FYN: variants seen among roughly 807,000 people sequenced by gnomAD.
FYN encodes the protein FYN proto-oncogene, Src family tyrosine kinase, also known as tyrosine-protein kinase Fyn.
A neutral mutation model predicts 70.2 loss-of-function variants in FYN; 10 were observed. The observed-to-expected ratio is 0.14, with a 90% CI of 0.09 to 0.24. The LOEUF is 0.24. Among genes scored for constraint, FYN ranks in the 10% least tolerant of loss-of-function variants. The pLI is 1.00. For synonymous variants in FYN, 236 were observed against 248.6 expected (o/e 0.95, Z 0.48); for missense variants, 319 against 673.1 (o/e 0.47, Z 5.82).
intron 2 of FYN, among the ~76,000 whole-genome samples, chr6:111,827,170 A>G (rs1772862353): frequency 6.6e-6 from 1 of 152,202 alleles, no homozygotes; most frequent in African/African-American, 2.4e-5. Context: ...AGAAAAGTAA[A>G]GTCTCATAAT....
At chr6:111,707,848 A>G in intron 6 of FYN, 74 bp downstream of exon 6, 1 of 1,176,064 alleles carries the variant, frequency 8.5e-7, no homozygotes, top group East Asian at 2.3e-5. Flanking sequence ...CCTCCTGCCC[A>G]ATGCTGATGG....
intron 3 of FYN, among the ~76,000 whole-genome samples, chr6:111,777,940 C>G (rs1359493229): frequency 6.6e-6 from 1 of 152,184 alleles, no homozygotes; most frequent in East Asian, 1.9e-4. Flanking sequence ...GCCACCCTCC[C>G]TACTTTTAGG....
At chr6:111,851,094 G>A (rs1004688238) in intron 1 of FYN, among the ~76,000 whole-genome samples, 8 of 152,152 alleles carry the variant, frequency 5.3e-5, no homozygotes, top group African/African-American at 1.9e-4. Flanking sequence ...AAAATGAGGG[G>A]CACGTGATGA....
chr6:111,843,650 C>T (rs991940175), intron 2 of FYN, among the ~76,000 whole-genome samples: 4 of 152,114 alleles, frequency 2.6e-5, no homozygotes, highest in East Asian at 1.9e-4. Flanking sequence ...ATGGTCTTAT[C>T]GCCACATAAT....
chr6:111,764,733 T>C (rs2128496055), intron 3 of FYN, among the ~76,000 whole-genome samples: 1 of 152,244 alleles, frequency 6.6e-6, no homozygotes, highest in South Asian at 2.1e-4. Flanking sequence ...GGGGTTCCTT[T>C]AGTGCTTTCA....
At chr6:111,662,711 C>T (rs1386335441) in intron 13 of FYN, among the ~76,000 whole-genome samples, 4 of 152,206 alleles carry the variant, frequency 2.6e-5, no homozygotes, top group South Asian at 2.1e-4. Context: ...TTCATAAATT[C>T]GTTTTCTTCA....
At chr6:111,728,086 C>T (rs1040148585) in intron 3 of FYN, among the ~76,000 whole-genome samples, 1 of 152,196 alleles carries the variant, frequency 6.6e-6, no homozygotes, top group African/African-American at 2.4e-5. Context: ...GGCTTTAACA[C>T]CAAACCATGG....
intron 3 of FYN, among the ~76,000 whole-genome samples, chr6:111,763,716 A>G (rs1225466899): frequency 6.6e-6 from 1 of 152,118 alleles, no homozygotes; most frequent in Non-Finnish European, 1.5e-5. Context: ...TTAACTATAC[A>G]TTTTTTCATG....
At chr6:111,688,384 AT>A (rs1165096472) in intron 12 of FYN, among the ~76,000 whole-genome samples, 4 of 152,232 alleles carry the variant, frequency 2.6e-5, no homozygotes, top group African/African-American at 4.8e-5. Flanking sequence ...ACAGCATTTG[AT>A]TCCCAGAGAG....
In FYN at chr6:111,837,406, G is replaced by A. The variant is rs117508922; in HGVS notation, c.-82+9183C>T. Among the ~76,000 whole-genome samples the A allele has an allele frequency of 1.7e-4, 26 of 151,620 alleles. No individual in the cohort carries two copies. The East Asian group carries it at 4.1e-3, about 24-fold the overall frequency. On this transcript the variant is annotated intron_variant, in intron 2 of 13. Transcript: ENST00000354650. ...CTAAAGATGGACAAAATCCTCCCCCGACACAAAGGTTTTGTCTTCAATTAC... is the reference window on the plus strand; with the variant it reads ...CTAAAGATGGACAAAATCCTCCCCCAACACAAAGGTTTTGTCTTCAATTAC...
intron 1 of FYN, among the ~76,000 whole-genome samples, chr6:111,853,907 G>A (rs1042298478): frequency 6.6e-6 from 1 of 152,146 alleles, no homozygotes; most frequent in African/African-American, 2.4e-5. Flanking sequence ...CAGCCATTGT[G>A]GGAAGTGGGG....
At chr6:111,814,533 T>A (rs914124883) in intron 2 of FYN, among the ~76,000 whole-genome samples, 26 of 152,132 alleles carry the variant, frequency 1.7e-4, no homozygotes, top group Admixed American at 1.0e-3. Flanking sequence ...TAATGAAGAA[T>A]CTGAAATGGA....
At chr6:111,814,300 T>C (rs1226593622) in intron 2 of FYN, among the ~76,000 whole-genome samples, 1 of 152,098 alleles carries the variant, frequency 6.6e-6, no homozygotes, top group African/African-American at 2.4e-5. Flanking sequence ...GTTATAATTC[T>C]AAAGACAAAA....
chr6:111,828,714 G>A (rs9372315), intron 2 of FYN, among the ~76,000 whole-genome samples: 6,997 of 152,256 alleles, frequency 0.046, 185 homozygotes, highest in East Asian at 0.14. Flanking sequence ...AATTTATACA[G>A]ACAAAAAGTA....
intron 12 of FYN, chr6:111,676,450 T>TGACTTAACTGGCTTAACTGA (rs1798534720): frequency 6.6e-6 from 1 of 152,246 alleles, no homozygotes; most frequent in South Asian, 2.1e-4. Context: ...GACCTGGTAT[T>TGACTTAACTGGCTTAACTGA]CTCTGAATAG....
intron 1 of FYN, among the ~76,000 whole-genome samples, chr6:111,862,771 G>A (rs1233929968): frequency 6.6e-6 from 1 of 152,188 alleles, no homozygotes; most frequent in Non-Finnish European, 1.5e-5. Flanking sequence ...CTTATTAGGA[G>A]GCAATTGAGA....
intron 12 of FYN, among the ~76,000 whole-genome samples, chr6:111,689,432 C>T (rs1799204216): frequency 6.6e-6 from 1 of 152,134 alleles, no homozygotes; most frequent in African/African-American, 2.4e-5. Context: ...CTAGGTTTGC[C>T]CTGTAATTAC....
Position 111,842,522 on chromosome 6 carries a change from TC to T in FYN, c.-82+4066del, listed in dbSNP as rs369130668. Among the ~76,000 whole-genome samples, 38 of 151,948 alleles carry T rather than the reference TC, an allele frequency of 2.5e-4. No homozygotes were observed. In the East Asian group the frequency reaches 6.2e-3, roughly 25 times the overall value. The stretch of plus-strand genomic sequence containing the variant: ...TGCGCGGTACACCCCAAAGCCAATG[TC>T]CCCCTATTCACACTGGAGACACATC... On this transcript the variant is annotated intron_variant, in intron 2 of 13. Transcript: ENST00000354650.
At chr6:111,758,363 C>T (rs1290767748) in intron 3 of FYN, among the ~76,000 whole-genome samples, 1 of 152,114 alleles carries the variant, frequency 6.6e-6, no homozygotes, top group African/African-American at 2.4e-5. Flanking sequence ...TAATGATGTG[C>T]GTGACTATCT....
Sources: gnomAD v4.1 joint callset for allele counts (sites outside exome capture counted in the v4.1 genomes callset) on GRCh38, gnomAD v4.1.1 for gene constraint, MANE v1.5 for transcripts, NCBI Gene and HGNC (gene_info 2026-07-23, HGNC 2026-07-21) for gene names.